Variants in ABCB4 observed in about 807,000 individuals in gnomAD.
The protein encoded by ABCB4 is phosphatidylcholine translocator ABCB4.
ABCB4 carries 76 observed loss-of-function variants against 145.7 expected under a neutral mutation model. That is an observed-to-expected ratio of 0.52 (90% CI 0.43 to 0.63). ABCB4 has a LOEUF of 0.63. ABCB4 is among the 30% of genes least tolerant of loss of function. The pLI is 0.00. For missense variants in ABCB4, 1,234 were observed against 1,553.1 expected, an observed-to-expected ratio of 0.79 and a Z score of 3.45; for synonymous variants, 517 against 566.8, an observed-to-expected ratio of 0.91 and a Z score of 1.25.
the ABCB4 span, among the ~76,000 whole-genome samples, chr7:87,383,741 C>T: frequency 5.3e-5 from 8 of 152,234 alleles, no homozygotes; most frequent in South Asian, 4.1e-4. Context: ...AGGTGATCTG[C>T]GTGCCTTGGC....
intron 3 of ABCB4, among the ~76,000 whole-genome samples, chr7:87,467,337 C>G (rs1480636699): frequency 6.6e-6 from 1 of 152,202 alleles, no homozygotes; most frequent in Non-Finnish European, 1.5e-5. Flanking sequence ...ATCAATTCAA[C>G]AAGAAGAACT....
chr7:87,396,548 A>C, the ABCB4 span, among the ~76,000 whole-genome samples: 1 of 152,190 alleles, frequency 6.6e-6, no homozygotes, highest in African/African-American at 2.4e-5. Context: ...ACATTTTTAG[A>C]GAAATGAAAA....
intron 9 of ABCB4, among the ~76,000 whole-genome samples, chr7:87,446,119 A>T (rs1275806996): frequency 6.6e-6 from 1 of 152,212 alleles, no homozygotes; most frequent in African/African-American, 2.4e-5. Context: ...ATGAGGGCTC[A>T]CCAAGTCGAA....
chr7:87,456,788 C>G (rs1812130157), intron 4 of ABCB4, among the ~76,000 whole-genome samples: 1 of 152,038 alleles, frequency 6.6e-6, no homozygotes, highest in African/African-American at 2.4e-5. Context: ...GAATGGAAAT[C>G]TAGTGCTGGG....
chr7:87,369,554 G>A, the ABCB4 span: 1 of 933,154 alleles, frequency 1.1e-6, no homozygotes, highest in Non-Finnish European at 1.6e-6. Flanking sequence ...TACATGTTTA[G>A]AATTGCCTTT....
intron 8 of ABCB4, 152 bp from the exon 9 acceptor site, chr7:87,447,357 T>TTC: frequency 2.7e-6 from 2 of 732,382 alleles, no homozygotes; most frequent in South Asian, 3.6e-5. Context: ...GGAATTGAAC[T>TTC]AATTCAGGAT....
chr7:87,383,029 G>T, the ABCB4 span, among the ~76,000 whole-genome samples: 1 of 152,038 alleles, frequency 6.6e-6, no homozygotes, highest in Non-Finnish European at 1.5e-5. Flanking sequence ...TGATTTTTTT[G>T]ATACATGCAT....
chr7:87,413,060 C>T (rs1253151973), intron 22 of ABCB4, among the ~76,000 whole-genome samples: 1 of 152,334 alleles, frequency 6.6e-6, no homozygotes, highest in East Asian at 1.9e-4. Context: ...TGTGTTAAAA[C>T]ATACTCATTT....
At chr7:87,407,903 G>A (rs1808319233) in intron 25 of ABCB4, 134 bp downstream of exon 25, 2 of 1,083,748 alleles carry the variant, frequency 1.8e-6, no homozygotes, top group African/African-American at 3.1e-5. Flanking sequence ...GGTGCCAGTT[G>A]GGGTTTATAG....
chr7:87,380,897 C>T, the ABCB4 span, among the ~76,000 whole-genome samples: 16 of 152,226 alleles, frequency 1.1e-4, no homozygotes, highest in African/African-American at 3.4e-4. Flanking sequence ...GGTTTGTCAG[C>T]GACCTGTGAG....
chr7:87,422,946 G>A (rs1038481262), intron 17 of ABCB4, among the ~76,000 whole-genome samples: 1 of 152,082 alleles, frequency 6.6e-6, no homozygotes, highest in African/African-American at 2.4e-5. Flanking sequence ...AGCAGCACTA[G>A]GCAGACAGAT....
chr7:87,406,581 G>A (rs559125820), intron 25 of ABCB4, 87 bp from the exon 26 acceptor site: 17 of 1,418,470 alleles, frequency 1.2e-5, no homozygotes, highest in African/African-American at 1.0e-4. Flanking sequence ...TTGGAGGATC[G>A]TTGCATGAGG....
the ABCB4 span, among the ~76,000 whole-genome samples, chr7:87,391,878 T>C: frequency 6.6e-6 from 1 of 152,200 alleles, no homozygotes; most frequent in Admixed American, 6.6e-5. Context: ...ACCAGTGAAA[T>C]GTGTAATTGG....
chr7:87,376,416 T>C, the ABCB4 span, among the ~76,000 whole-genome samples: 1 of 152,082 alleles, frequency 6.6e-6, no homozygotes, highest in African/African-American at 2.4e-5. Context: ...GCTGAACACA[T>C]TGATGTCAGT....
At chr7:87,431,694 G>A in intron 14 of ABCB4, 129 bp from the exon 15 acceptor site, 1 of 1,259,696 alleles carries the variant, frequency 7.9e-7, no homozygotes, top group Non-Finnish European at 1.1e-6. Flanking sequence ...CCAGATCTCT[G>A]CGTGATTATG....
At chr7:87,395,331 A>C in the ABCB4 span, among the ~76,000 whole-genome samples, 13 of 152,256 alleles carry the variant, frequency 8.5e-5, no homozygotes, top group Middle Eastern at 3.4e-3. Flanking sequence ...GCCCTCCCAG[A>C]TTAACGGTGG....
At chr7:87,468,895 C>T (rs1813131969) in intron 3 of ABCB4, among the ~76,000 whole-genome samples, 1 of 124,268 alleles carries the variant, frequency 8.0e-6, no homozygotes, top group African/African-American at 3.6e-5. Flanking sequence ...AGCGCCACTA[C>T]AGTCCGGCCT....
At chr7:87,421,129 G>A (rs1184083351) in intron 18 of ABCB4, among the ~76,000 whole-genome samples, 1 of 152,168 alleles carries the variant, frequency 6.6e-6, no homozygotes, top group Non-Finnish European at 1.5e-5. Context: ...AACTGGAGAG[G>A]AGTCCAGATA....
chr7:87,408,108 T>G lies in ABCB4; in HGVS notation c.3208A>C (p.Ser1070Arg). ...ACCGTGCTCTTCCCACAGCCACTGC[T>G]GCCCACCAGGGCTAGTGTCTGGCCT... The part of the protein sequence containing the change: ...KKGQTLALVG[S>R]SGCGKSTVVQ... The change falls in exon 25 of 28, where the codon AGC (serine) becomes CGC (arginine). Residue 1070 changes from serine (S) to arginine (R), a missense_variant. Ser to Arg is a moderately radical substitution (Grantham distance 110). Coordinates refer to ENST00000649586, the MANE Select transcript of ABCB4 (RefSeq NM_000443.4). The G allele has an allele frequency of 6.2e-7, 1 of 1,614,262 alleles. No homozygotes were observed. Among genetic ancestry groups the G allele is most frequent in the Non-Finnish European group, 8.5e-7 (1 of 1,180,036 alleles).
Sources: gnomAD v4.1 joint callset for allele counts (sites outside exome capture counted in the v4.1 genomes callset) on GRCh38, gnomAD v4.1.1 for gene constraint, MANE v1.5 for transcripts, NCBI Gene and HGNC (gene_info 2026-07-23, HGNC 2026-07-21) for gene names.